The following PCDHGA2 variants were observed in gnomAD, a reference collection of about 807,000 sequenced individuals.
The protein encoded by PCDHGA2 is protocadherin gamma subfamily A, 2.
A neutral mutation model predicts 59.2 loss-of-function variants in PCDHGA2; 40 were observed. The observed-to-expected ratio is 0.68, with a 90% CI of 0.52 to 0.88. The LOEUF is 0.88. Ranked by LOEUF, PCDHGA2 falls within the 40% of genes least tolerant of loss-of-function variation. PCDHGA2 has a pLI of 0.00. For missense variants in PCDHGA2, 1,226 were observed against 1,204.0 expected, an observed-to-expected ratio of 1.02 and a Z score of -0.27; for synonymous variants, 560 against 526.0, an observed-to-expected ratio of 1.06 and a Z score of -0.89.
rs376527354 is a variant in PCDHGA2, at chr5:141,439,129, G to A, written c.2425-55678G>A. Among the ~76,000 whole-genome samples the A allele has an allele frequency of 7.3e-5, 11 of 151,064 alleles. No individual in the cohort carries two copies. The South Asian group carries it at 2.3e-3, about 32-fold the overall frequency. The stretch of plus-strand genomic sequence containing the variant: ...AATCACTTGAACCCGGGAGACAGAG[G>A]TTGCAGTGAGCTGAGATCACGCCAC... On this transcript the variant is annotated intron_variant, in intron 1 of 3. Coordinates refer to ENST00000394576, the MANE Select transcript of PCDHGA2 (RefSeq NM_018915.4).
chr5:141,491,542 G>T lies in PCDHGA2; in HGVS notation c.2425-3265G>T, dbSNP rs112433306. The T allele has an allele frequency of 6.2e-7, 1 of 1,613,898 alleles. No homozygotes were observed. Among genetic ancestry groups the T allele is most frequent in the Admixed American group, 1.7e-5 (1 of 60,006 alleles). On this transcript the variant is annotated intron_variant, in intron 1 of 3. Transcript: ENST00000394576. This position sits in a 1 kb window ranked among gnomAD's most constrained non-coding sequence, Gnocchi z 6.9. ...CATGGAGGTGACGCTGCGGCCCACA[G>T]ACTCGCAGAGCCACTGCTACAGGAC...
At chr5:141,351,030 C>G (rs1561499070) in intron 1 of PCDHGA2, 1 of 1,614,068 alleles carries the variant, frequency 6.2e-7, no homozygotes, top group Non-Finnish European at 8.5e-7. Context: ...TGGGGAACCT[C>G]CGTGCTGCGG....
intron 1 of PCDHGA2, chr5:141,398,010 G>A: frequency 7.1e-7 from 1 of 1,408,980 alleles, no homozygotes; most frequent in South Asian, 1.5e-5. Context: ...AAAAAGAATC[G>A]TTTCCTAAAC....
At chr5:141,370,913 C>T (rs1242230651) in intron 1 of PCDHGA2, 5 of 1,613,884 alleles carry the variant, frequency 3.1e-6, no homozygotes, top group African/African-American at 2.7e-5. Context: ...ACTACCTCAG[C>T]CCTGATCCGC....
rs1221134827 is a variant in PCDHGA2 at position 141,374,345 on chromosome 5, G to T, written c.2424+32950G>T. ...GCGAAACGGCAGCTTGGTCACCGCGGGTAGGATAGACCGCGAGGAGCTCTG... is the reference window on the plus strand; with the variant it reads ...GCGAAACGGCAGCTTGGTCACCGCGTGTAGGATAGACCGCGAGGAGCTCTG... On this transcript the variant is annotated intron_variant, in intron 1 of 3. Coordinates refer to ENST00000394576, the MANE Select transcript of PCDHGA2 (RefSeq NM_018915.4). The T allele has an allele frequency of 3.7e-6, 6 of 1,613,900 alleles. No homozygotes were observed. The African/African-American group carries it at 8.0e-5, about 22-fold the overall frequency.
At chr5:141,473,682 G>A (rs2099326903) in intron 1 of PCDHGA2, among the ~76,000 whole-genome samples, 1 of 152,186 alleles carries the variant, frequency 6.6e-6, no homozygotes, top group Admixed American at 6.5e-5. Context: ...GGGAAGGGCT[G>A]GGGTTCTGAC....
In PCDHGA2 at chr5:141,494,860, C is replaced by T. The variant is rs372794752; in HGVS notation, c.2478C>T (p.Thr826=). Residue 826 remains threonine, a synonymous_variant, in exon 2 of 4, where the codon ACC becomes ACT. Coordinates refer to ENST00000394576, the MANE Select transcript of PCDHGA2 (RefSeq NM_018915.4). ...TCTCTCAGGCCCAGAGACCCGGCAC[C>T]AGCGGGTAGGTGACTGATTCTCCAG... ...WRFSQAQRPG[T]SGSQNGDDTG... 5.6e-6 allele frequency: 9 copies of T among 1,614,032 alleles called. No homozygotes were observed. Among genetic ancestry groups the T allele is most frequent in the Non-Finnish European group, 7.6e-6 (9 of 1,180,024 alleles).
In PCDHGA2 at chr5:141,490,007, C is replaced by T. The variant is rs766407642; in HGVS notation, c.2425-4800C>T. On this transcript the variant is annotated intron_variant, in intron 1 of 3. Coordinates refer to ENST00000394576, the MANE Select transcript of PCDHGA2 (RefSeq NM_018915.4). The surrounding 1 kb of genome is among the most constrained non-coding windows in gnomAD (Gnocchi z 5.4). ...CGTGTGGGAATCCCAGAGAATGCACCCATTGGTACTCTGCTGCTCCGCCTC... is the reference window on the plus strand; with the variant it reads ...CGTGTGGGAATCCCAGAGAATGCACTCATTGGTACTCTGCTGCTCCGCCTC... 6.2e-7 allele frequency: 1 copy of T among 1,614,200 alleles called. No homozygotes were observed. The highest frequency in any genetic ancestry group is 8.5e-7 in the Non-Finnish European group (1 of 1,180,016).
chr5:141,404,796 G>T, intron 1 of PCDHGA2: 1 of 1,613,970 alleles, frequency 6.2e-7, no homozygotes, highest in Non-Finnish European at 8.5e-7. Flanking sequence ...AGTGAGCCAG[G>T]GCTCTTCTCG....
rs751607322 is a variant in PCDHGA2 at position 141,345,491 on chromosome 5, C to T, written c.2424+4096C>T. 5.0e-6 allele frequency: 8 copies of T among 1,614,060 alleles called. No homozygotes were observed. The Admixed American group carries it at 1.0e-4, about 20-fold the overall frequency. ...ACCCAGATAGCAACAACAACGCCCG[C>T]ATCACTTATGCATTGACCGAGGACA... is the stretch of plus-strand genomic sequence containing the variant. On this transcript the variant is annotated intron_variant, in intron 1 of 3. Coordinates refer to ENST00000394576, the MANE Select transcript of PCDHGA2 (RefSeq NM_018915.4).
At chr5:141,365,716 A>G (rs1764073601) in intron 1 of PCDHGA2, 6 of 1,613,740 alleles carry the variant, frequency 3.7e-6, no homozygotes, top group Non-Finnish European at 5.1e-6. Flanking sequence ...CCTCTGTCAC[A>G]GAAAACAATC....
chr5:141,350,754 A>C (rs1292480498), intron 1 of PCDHGA2: 4 of 1,613,822 alleles, frequency 2.5e-6, no homozygotes, highest in East Asian at 4.5e-5. Flanking sequence ...AATTCACTGA[A>C]GTTATACACC....
chr5:141,356,859 G>A (rs1198453770), intron 1 of PCDHGA2: 1 of 1,614,038 alleles, frequency 6.2e-7, no homozygotes, highest in Non-Finnish European at 8.5e-7. Flanking sequence ...TCTTTGTGCT[G>A]GACCAGAACG....
In PCDHGA2 at chr5:141,361,474, G is replaced by A. The variant is rs773626542; in HGVS notation, c.2424+20079G>A. ...CACCCTGCACATCTCCGACGTCAAC[G>A]ATAATGCCCCAGTTTTCCAACAGAC... is the stretch of plus-strand genomic sequence containing the variant. On this transcript the variant is annotated intron_variant, in intron 1 of 3. Transcript: ENST00000394576. 19 of 1,613,872 alleles carry A rather than the reference G, an allele frequency of 1.2e-5. No homozygotes were observed. The highest frequency in any genetic ancestry group is 1.5e-5 in the Non-Finnish European group (18 of 1,179,900).
At position 141,485,275 on chromosome 5, in the gene PCDHGA2, G is replaced by A. The variant is rs77402299; in HGVS notation, c.2425-9532G>A. The A allele has an allele frequency of 8.7e-6, 14 of 1,613,954 alleles. No homozygotes were observed. In the African/African-American group the frequency reaches 1.1e-4, roughly 12 times the overall value. ...ACGTTTGTGGGCAGATCCGCTACCC[G>A]GTCCCAGAGGAGTCACAGGAAGGGA... On this transcript the variant is annotated intron_variant, in intron 1 of 3. Transcript: ENST00000394576. The surrounding 1 kb of genome is among the most constrained non-coding windows in gnomAD (Gnocchi z 5.7).
At chr5:141,406,273 G>A (rs1366399912) in intron 1 of PCDHGA2, among the ~76,000 whole-genome samples, 2 of 151,898 alleles carry the variant, frequency 1.3e-5, no homozygotes, top group Non-Finnish European at 2.9e-5. Context: ...TCCTGCTTCA[G>A]TTTCCCAAAG....
chr5:141,399,143 A>G (rs750976328), intron 1 of PCDHGA2: 12 of 1,613,780 alleles, frequency 7.4e-6, no homozygotes, highest in Admixed American at 3.3e-5. Context: ...GAAAATGACA[A>G]TAGCCCAGAA....
chr5:141,503,777 G>A (rs2099830497), intron 2 of PCDHGA2, among the ~76,000 whole-genome samples: 1 of 152,074 alleles, frequency 6.6e-6, no homozygotes, highest in South Asian at 2.1e-4. Context: ...TCTGTTCTTA[G>A]GCTGAGTTCA....
chr5:141,389,464 A>G (rs1277929756), intron 1 of PCDHGA2: 1 of 1,613,306 alleles, frequency 6.2e-7, no homozygotes, highest in Admixed American at 1.7e-5. Flanking sequence ...CGCGCCTTCG[A>G]ACTCACACTG....
Sources: gnomAD v4.1 joint callset for allele counts (sites outside exome capture counted in the v4.1 genomes callset) on GRCh38, gnomAD v4.1.1 for gene constraint, Gnocchi (gnomAD v3.1) non-coding constraint, MANE v1.5 for transcripts, NCBI Gene and HGNC (gene_info 2026-07-23, HGNC 2026-07-21) for gene names.